The following CCNJL variants were observed in gnomAD, a reference collection of about 807,000 sequenced individuals.
CCNJL encodes the protein cyclin-J-like protein.
Under a neutral mutation model 33.4 loss-of-function variants are expected in CCNJL, and 33 were observed. The ratio of observed to expected loss-of-function variants is 0.99; its 90% CI spans 0.75 to 1.32. The LOEUF (loss-of-function observed/expected upper bound fraction) is 1.32. CCNJL is among the 40% of genes most tolerant of loss of function. The pLI is 0.00. For synonymous variants in CCNJL, 227 were observed against 220.9 expected (o/e 1.03, Z -0.24); for missense variants, 512 against 499.7 (o/e 1.02, Z -0.23).
At chr5:160,298,450 T>C (rs1762818989) in intron 2 of CCNJL, among the ~76,000 whole-genome samples, 1 of 152,122 alleles carries the variant, frequency 6.6e-6, no homozygotes, top group Non-Finnish European at 1.5e-5. Context: ...GTGTCAGTGA[T>C]GAGCAAATCC....
chr5:160,290,541 TAC>T (rs2113387587), intron 2 of CCNJL, among the ~76,000 whole-genome samples: 1 of 152,310 alleles, frequency 6.6e-6, no homozygotes, highest in East Asian at 1.9e-4. Context: ...GTGCTGGGAT[TAC>T]AGACATGAGC....
At chr5:160,317,378 C>A (rs1763391563), upstream of CCNJL, among the ~76,000 whole-genome samples, 2 of 152,190 alleles carry the variant, frequency 1.3e-5, no homozygotes, top group Non-Finnish European at 2.9e-5. Flanking sequence ...AATAAACCTC[C>A]CTCTCACGCA....
chr5:160,276,034 A>C (rs1485593416), intron 3 of CCNJL, among the ~76,000 whole-genome samples: 1 of 152,184 alleles, frequency 6.6e-6, no homozygotes, highest in Non-Finnish European at 1.5e-5. Context: ...AAACAACCTA[A>C]ACATCCATCA....
rs1224183470 is a variant in CCNJL at position 160,290,205 on chromosome 5, TCTC to T, written c.67-9470_67-9468del. Among the ~76,000 whole-genome samples, 3 of 152,294 alleles carry T rather than the reference TCTC, an allele frequency of 2.0e-5. No homozygotes were observed. The East Asian group carries it at 5.8e-4, about 29-fold the overall frequency. On this transcript the variant is annotated intron_variant, in intron 2 of 5. Coordinates refer to ENST00000257536, the MANE Select transcript of CCNJL (RefSeq NM_001308173.3). Reference sequence around the variant, plus strand: ...CTTCTAATTGCCTTGAGGTTTTACTTCTCATTATTAATCCACTTTTCCTTCAGA... The same window carrying T: ...CTTCTAATTGCCTTGAGGTTTTACTTATTATTAATCCACTTTTCCTTCAGA...
chr5:160,309,412 G>A (rs2113453550), intron 2 of CCNJL, among the ~76,000 whole-genome samples: 1 of 152,292 alleles, frequency 6.6e-6, no homozygotes, highest in African/African-American at 2.4e-5. Flanking sequence ...AATTGCTTGT[G>A]GTTGTATGGA....
chr5:160,295,475 G>A (rs1024234632), intron 2 of CCNJL, among the ~76,000 whole-genome samples: 2 of 152,144 alleles, frequency 1.3e-5, no homozygotes, highest in African/African-American at 4.8e-5. Flanking sequence ...GCGACAGAGC[G>A]AGACTCTGTC....
At chr5:160,306,482 C>G (rs749563026) in intron 2 of CCNJL, among the ~76,000 whole-genome samples, 4 of 152,004 alleles carry the variant, frequency 2.6e-5, no homozygotes, top group African/African-American at 4.8e-5. Flanking sequence ...GGAGGGAGCC[C>G]CTAGCCCCTG....
chr5:160,289,670 AG>A (rs1762521159), intron 2 of CCNJL, among the ~76,000 whole-genome samples: 1 of 152,132 alleles, frequency 6.6e-6, no homozygotes, highest in African/African-American at 2.4e-5. Context: ...GAAAAGGCCA[AG>A]GACTCATGAA....
At chr5:160,269,567 G>A in intron 3 of CCNJL, 1 of 444,370 alleles carries the variant, frequency 2.3e-6, no homozygotes, top group South Asian at 1.6e-5. Flanking sequence ...CAGGGAGAAG[G>A]AAAAGGAGAG....
intron 2 of CCNJL, among the ~76,000 whole-genome samples, chr5:160,307,867 G>A (rs1465913816): frequency 6.6e-6 from 1 of 152,138 alleles, no homozygotes; most frequent in Non-Finnish European, 1.5e-5. Flanking sequence ...AGGAAGGGGA[G>A]GGAGAGATTT....
chr5:160,286,665 GAA>G (rs1174271119), intron 2 of CCNJL, among the ~76,000 whole-genome samples: 1 of 152,058 alleles, frequency 6.6e-6, no homozygotes, highest in Non-Finnish European at 1.5e-5. Context: ...AAGAAAAAAG[GAA>G]AAGTTATGGA....
At chr5:160,268,578 G>A (rs1043441548) in intron 3 of CCNJL, among the ~76,000 whole-genome samples, 6 of 152,210 alleles carry the variant, frequency 3.9e-5, no homozygotes, top group Admixed American at 3.9e-4. Context: ...GAGAAAGCCA[G>A]GGACAAAGCA....
chr5:160,274,227 G>C (rs1198668253), intron 3 of CCNJL, among the ~76,000 whole-genome samples: 1 of 152,034 alleles, frequency 6.6e-6, no homozygotes, highest in Non-Finnish European at 1.5e-5. Flanking sequence ...GGGAGGCCGA[G>C]GCAGGCAGAT....
At chr5:160,269,586 G>A (rs1226017831) in intron 3 of CCNJL, 2 of 432,914 alleles carry the variant, frequency 4.6e-6, no homozygotes, top group Admixed American at 2.6e-5. Flanking sequence ...AGGCCATCTT[G>A]GGTACCGCCC....
chr5:160,299,314 T>A (rs1176581860), intron 2 of CCNJL, among the ~76,000 whole-genome samples: 1 of 152,120 alleles, frequency 6.6e-6, no homozygotes, highest in Non-Finnish European at 1.5e-5. Flanking sequence ...CAGGCCCGGC[T>A]AATTTTTTTG....
intron 3 of CCNJL, among the ~76,000 whole-genome samples, chr5:160,279,043 C>A (rs1239812656): frequency 6.6e-6 from 1 of 152,190 alleles, no homozygotes; most frequent in African/African-American, 2.4e-5. Flanking sequence ...GGATCACGAA[C>A]AACAGCAGGT....
chr5:160,284,712 G>A (rs1267834122), intron 2 of CCNJL, among the ~76,000 whole-genome samples: 1 of 152,194 alleles, frequency 6.6e-6, no homozygotes, highest in Non-Finnish European at 1.5e-5. Flanking sequence ...CAGTCCTAGA[G>A]CTTTGCTCAT....
intron 2 of CCNJL, among the ~76,000 whole-genome samples, chr5:160,284,799 C>T (rs952642214): frequency 4.6e-5 from 7 of 152,200 alleles, no homozygotes; most frequent in African/African-American, 1.7e-4. Flanking sequence ...TTCAAAAAGT[C>T]CCTGAGTCCC....
intron 2 of CCNJL, among the ~76,000 whole-genome samples, chr5:160,302,325 A>G (rs138373395): frequency 4.9e-4 from 75 of 152,322 alleles, no homozygotes; most frequent in Non-Finnish European, 7.6e-4. Flanking sequence ...GATATACTTG[A>G]TAGTATTTTT....
Sources: allele counts gnomAD v4.1 joint callset (sites outside exome capture counted in the v4.1 genomes callset), GRCh38; gene constraint gnomAD v4.1.1; transcripts MANE v1.5; gene names NCBI Gene and HGNC (gene_info 2026-07-23, HGNC 2026-07-21).